The following IFI44L variants were observed in gnomAD, a reference collection of about 807,000 sequenced individuals.
The protein encoded by IFI44L is interferon-induced protein 44-like.
A neutral mutation model predicts 39.3 loss-of-function variants in IFI44L; 40 were observed. The observed-to-expected ratio is 1.02, with a 90% CI of 0.79 to 1.33. The LOEUF is 1.33. Ranked by LOEUF, IFI44L falls within the 40% of genes most tolerant of loss-of-function variation. The probability of loss-of-function intolerance (pLI) is 0.00; values close to 1 mark genes in which losing one functional copy is unlikely to be tolerated. For synonymous variants in IFI44L, 198 were observed against 182.3 expected (o/e 1.09, Z -0.69); for missense variants, 623 against 549.0 (o/e 1.13, Z -1.35).
In IFI44L at chr1:78,629,841, G is replaced by C. The variant is rs3820093; in HGVS notation, c.649G>C (p.Val217Leu). The C allele has an allele frequency of 6.2e-7, 1 of 1,613,664 alleles. No homozygotes were observed. The highest frequency in any genetic ancestry group is 1.7e-5 in the Admixed American group (1 of 59,948). ...TGGAAAGTCCAGTTTTTTCAATTCA[G>C]TCAAGTCTATTTTTCATGGCCATGT... is the stretch of plus-strand genomic sequence containing the variant. The part of the protein sequence containing the change: ...GSGKSSFFNS[V>L]KSIFHGHVTG... The change falls in exon 4 of 9, where the codon GTC becomes CTC. Residue 217 changes from valine (V) to leucine (L), a missense_variant. Val to Leu is a conservative substitution (Grantham distance 32). Transcript: ENST00000370751.
chr1:78,624,311 A>C (rs898205431), intron 1 of IFI44L, among the ~76,000 whole-genome samples: 3 of 152,082 alleles, frequency 2.0e-5, no homozygotes, highest in Non-Finnish European at 2.9e-5. Flanking sequence ...ATATTTTTAA[A>C]ATTCCCTTTT....
At chr1:78,627,598 A>G (rs1652540570) in intron 1 of IFI44L, 1 of 173,948 alleles carries the variant, frequency 5.7e-6, no homozygotes, top group Admixed American at 6.3e-5. Flanking sequence ...AGGCTAAAAT[A>G]TTTACTATCT....
chr1:78,632,792 T>C (rs1652802160), intron 4 of IFI44L, among the ~76,000 whole-genome samples: 1 of 152,208 alleles, frequency 6.6e-6, no homozygotes, highest in African/African-American at 2.4e-5. Context: ...ATTACAGTTA[T>C]ATTCTTTAAT....
chr1:78,636,835 T>A (rs1281205243), intron 5 of IFI44L, 197 bp from the exon 6 acceptor site: 2 of 462,852 alleles, frequency 4.3e-6, no homozygotes, highest in Non-Finnish European at 3.8e-6. Context: ...AAGTGTTTTT[T>A]TTCCTATAAG....
At chr1:78,622,980 G>T (rs567673332) in intron 1 of IFI44L, among the ~76,000 whole-genome samples, 19 of 152,316 alleles carry the variant, frequency 1.2e-4, no homozygotes, top group African/African-American at 4.3e-4. Context: ...CAGAGAAACT[G>T]TGAGACTATA....
intron 5 of IFI44L, chr1:78,635,751 A>G (rs931659717): frequency 2.2e-6 from 1 of 456,934 alleles, no homozygotes; most frequent in African/African-American, 2.0e-5. Flanking sequence ...GTGTGTTTTT[A>G]TCACTCTTTA....
intron 4 of IFI44L, among the ~76,000 whole-genome samples, chr1:78,630,737 TA>T (rs1455070921): frequency 2.6e-5 from 4 of 152,298 alleles, no homozygotes; most frequent in Non-Finnish European, 5.9e-5. Flanking sequence ...TCACATTCAA[TA>T]ACTGGAAGAA....
chr1:78,630,449 A>T (rs1413634113), intron 4 of IFI44L, among the ~76,000 whole-genome samples: 2 of 152,298 alleles, frequency 1.3e-5, no homozygotes, highest in East Asian at 3.9e-4. Flanking sequence ...ATAAATAGTA[A>T]TATAGATTTC....
chr1:78,628,099 G>A lies in IFI44L; in HGVS notation c.184G>A (p.Val62Ile). 6.2e-7 allele frequency: 1 copy of A among 1,612,902 alleles called. No individual in the cohort carries two copies. The highest frequency in any genetic ancestry group is 8.5e-7 in the Non-Finnish European group (1 of 1,179,440). The change falls in exon 2 of 9, where the codon GTA (valine) becomes ATA (isoleucine). Residue 62 changes from valine (V) to isoleucine (I), a missense_variant. Physicochemically the swap from Val to Ile is conservative, Grantham distance 29 (BLOSUM62 3). Coordinates refer to ENST00000370751, the MANE Select transcript of IFI44L (RefSeq NM_006820.4). ...GGCTTACATTGATTACAATATGATT[G>A]TAGCCTTTATGCTTGGAAATTATAT... Reference protein sequence around the residue: ...TMAYIDYNMIVAFMLGNYINL... With the variant: ...TMAYIDYNMIIAFMLGNYINL...
intron 3 of IFI44L, 42 bp downstream of exon 3, chr1:78,629,041 G>A: frequency 3.3e-6 from 4 of 1,226,766 alleles, no homozygotes; most frequent in Non-Finnish European, 4.8e-6. Flanking sequence ...ATTTTATTTA[G>A]ACCAATTGTA....
chr1:78,635,230 T>A, intron 4 of IFI44L, 107 bp from the exon 5 acceptor site: 1 of 870,780 alleles, frequency 1.1e-6, no homozygotes, highest in South Asian at 1.8e-5. Flanking sequence ...CCAAACTGTT[T>A]GAGGACCATG....
At position 78,641,599 on chromosome 1, in the gene IFI44L, T is replaced by G. The variant is rs1646984591; in HGVS notation, c.1314T>G (p.Leu438=). ...ATGATTTTTTAGAAGATTTGCCTCT[T>G]GAGGAAACTGGTAATCTGGCCCTTT... ...AADDFLEDLP[L]EETGAIERAL... The change falls in exon 8 of 9, where the codon CTT becomes CTG. Residue 438 remains leucine (L), a synonymous_variant. Transcript: ENST00000370751. The G allele has an allele frequency of 6.2e-7, 1 of 1,613,386 alleles. No homozygotes were observed.
At chr1:78,622,229 G>A (rs148138666) in intron 1 of IFI44L, among the ~76,000 whole-genome samples, 1 of 152,196 alleles carries the variant, frequency 6.6e-6, no homozygotes, top group African/African-American at 2.4e-5. Context: ...ATATTCTCCA[G>A]TTCCGTCCAT....
At position 78,628,270 on chromosome 1, in the gene IFI44L, A is replaced by G; in HGVS notation, c.355A>G (p.Thr119Ala). Reference sequence around the variant, plus strand: ...GCAACTGGTGTGTCGTTTATCGAAAACGGATATTTTCATTATATGTCGAGA... The same window carrying G: ...GCAACTGGTGTGTCGTTTATCGAAAGCGGATATTTTCATTATATGTCGAGA... ...DEQLVCRLSK[T>A]DIFIICRDNK... Residue 119 changes from threonine (T) to alanine (A), a missense_variant, in exon 2 of 9, where the codon ACG (threonine) becomes GCG (alanine). Transcript: ENST00000370751. The G allele has an allele frequency of 6.2e-7, 1 of 1,610,248 alleles. No individual in the cohort carries two copies. The highest frequency in any genetic ancestry group is 8.5e-7 in the Non-Finnish European group (1 of 1,177,484).
rs960187919 is a variant in IFI44L at position 78,642,558 on chromosome 1, G to A, written c.*749G>A. 2 of 151,720 alleles carry A rather than the reference G, an allele frequency of 1.3e-5. No homozygotes were observed. Among genetic ancestry groups the A allele is most frequent in the Admixed American group, 6.6e-5 (1 of 15,232 alleles). The allele number at this position is 151,720 out of a possible 1,614,324, so 9.4% of individuals were successfully genotyped here. A position where few individuals can be genotyped will look rare whatever the true frequency, so the allele number is the denominator to read the frequency against. On this transcript the variant is annotated 3_prime_UTR_variant, in exon 9 of 9. Coordinates refer to ENST00000370751, the MANE Select transcript of IFI44L (RefSeq NM_006820.4). Reference sequence around the variant, plus strand: ...TACTCTAGCCAGGGAGAAAGAGTGAGATCCTGGCTCAAAAAAACCAAATAA... The same window carrying A: ...TACTCTAGCCAGGGAGAAAGAGTGAAATCCTGGCTCAAAAAAACCAAATAA...
At chr1:78,637,234 A>C (rs1368333382) in intron 6 of IFI44L, 31 bp downstream of exon 6, 1 of 1,500,164 alleles carries the variant, frequency 6.7e-7, no homozygotes, top group Non-Finnish European at 9.1e-7. Context: ...AAAAAAATTT[A>C]CTTTGAAATA....
At chr1:78,640,611 A>G (rs1376385250) in intron 6 of IFI44L, among the ~76,000 whole-genome samples, 1 of 152,118 alleles carries the variant, frequency 6.6e-6, no homozygotes, top group East Asian at 1.9e-4. Context: ...GGGAGAAAGG[A>G]GTAGGTCCCT....
chr1:78,635,291 G>T, intron 4 of IFI44L, 46 bp from the exon 5 acceptor site: 1 of 1,392,216 alleles, frequency 7.2e-7, no homozygotes, highest in Non-Finnish European at 1.0e-6. Flanking sequence ...TGTCTTGAAT[G>T]CTGGGTGATG....
chr1:78,625,551 T>C (rs1278094352), intron 1 of IFI44L: 1 of 152,118 alleles, frequency 6.6e-6, no homozygotes, highest in African/African-American at 2.4e-5. Flanking sequence ...AGCAGTGTTT[T>C]ACAAATTTTG....
Sources: allele counts gnomAD v4.1 joint callset (sites outside exome capture counted in the v4.1 genomes callset), GRCh38; gene constraint gnomAD v4.1.1; transcripts MANE v1.5; gene names NCBI Gene and HGNC (gene_info 2026-07-23, HGNC 2026-07-21).